The following HSD17B4 variants were observed in gnomAD, a reference collection of about 807,000 sequenced individuals.
HSD17B4 encodes peroxisomal multifunctional enzyme type 2.
Under a neutral mutation model 101.0 loss-of-function variants are expected in HSD17B4, and 70 were observed. The ratio of observed to expected loss-of-function variants is 0.69; its 90% CI spans 0.57 to 0.85. HSD17B4 has a LOEUF of 0.85. Among genes scored for constraint, HSD17B4 ranks in the 40% least tolerant of loss-of-function variants. The probability of loss-of-function intolerance (pLI) is 0.00; values close to 1 mark genes in which losing one functional copy is unlikely to be tolerated. For synonymous variants in HSD17B4, 347 were observed against 297.1 expected (o/e 1.17, Z -1.73); for missense variants, 984 against 892.4 (o/e 1.10, Z -1.31).
intron 7 of HSD17B4, 181 bp downstream of exon 7, chr5:119,477,682 T>C (rs1748719067): frequency 1.6e-6 from 1 of 610,106 alleles, no homozygotes. Flanking sequence ...AGTCACAGAT[T>C]GGCTGAGCTG....
intron 14 of HSD17B4, among the ~76,000 whole-genome samples, chr5:119,505,191 G>GTT (rs80250743): frequency 1.4e-5 from 2 of 146,908 alleles, no homozygotes; most frequent in East Asian, 4.0e-4. Context: ...TTCCAGCTTT[G>GTT]TTTTTTTTTT....
chr5:119,467,251 C>G (rs1431954776), intron 2 of HSD17B4, among the ~76,000 whole-genome samples: 1 of 152,148 alleles, frequency 6.6e-6, no homozygotes, highest in African/African-American at 2.4e-5. Flanking sequence ...ATCAAATGTT[C>G]TGTTAACTTC....
intron 11 of HSD17B4, chr5:119,495,860 A>C (rs1477097098): frequency 6.5e-6 from 1 of 153,512 alleles, no homozygotes; most frequent in African/African-American, 2.4e-5. Context: ...TACAAAAATT[A>C]AAAATTTTTG....
intron 2 of HSD17B4, among the ~76,000 whole-genome samples, chr5:119,461,721 CAA>C (rs545291977): frequency 2.4e-4 from 18 of 74,904 alleles, no homozygotes; most frequent in Non-Finnish European, 3.0e-4. Context: ...CTGTCTTTGC[CAA>C]AAAAAAAAAA....
intron 2 of HSD17B4, chr5:119,472,441 T>C (rs1756466635): frequency 6.6e-6 from 1 of 152,134 alleles, no homozygotes; most frequent in South Asian, 2.1e-4. Context: ...TTGAAATTTT[T>C]TTTTTTTTTG....
Position 119,541,983 on chromosome 5 carries a change from G to A in HSD17B4, c.2200G>A (p.Ala734Thr), listed in dbSNP as rs751064948. 3.1e-6 allele frequency: 5 copies of A among 1,608,506 alleles called. No individual in the cohort carries two copies. The highest frequency in any genetic ancestry group is 4.3e-6 in the Non-Finnish European group (5 of 1,175,508). ...QKLQMILKDY[A>T]KL ...ACTTCAGATGATTCTTAAAGACTAC[G>A]CCAAGCTCTGAAGGGCACACTACAC... The change falls in exon 24 of 24, where the codon GCC becomes ACC. Residue 734 changes from alanine (A) to threonine (T), a missense_variant. Coordinates refer to ENST00000510025, the MANE Select transcript of HSD17B4 (RefSeq NM_000414.4).
In HSD17B4 at chr5:119,473,872, A is replaced by T. The variant is rs769176069; in HGVS notation, c.113-36A>T. The T allele has an allele frequency of 3.4e-6, 4 of 1,184,700 alleles. No individual in the cohort carries two copies. The African/African-American group carries it at 6.0e-5, about 18-fold the overall frequency. The allele number at this position is 1,184,700 out of a possible 1,614,324, so 73.4% of individuals were successfully genotyped here. On this transcript the variant is annotated intron_variant, in intron 2 of 23. Transcript: ENST00000510025. The stretch of plus-strand genomic sequence containing the variant: ...CACACACACATTTTGAAAGTCTAGA[A>T]TAATTAATTGTTGTTTGCTTGTTTT...
intron 2 of HSD17B4, among the ~76,000 whole-genome samples, chr5:119,457,597 T>C (rs1561425013): frequency 6.6e-6 from 1 of 152,258 alleles, no homozygotes. Context: ...AGGCCCACTT[T>C]GTCAGATTTT....
At position 119,452,624 on chromosome 5, in the gene HSD17B4, G is replaced by A. The variant is rs750954413; in HGVS notation, c.49G>A (p.Ala17Thr). 1.9e-6 allele frequency: 3 copies of A among 1,613,942 alleles called. No homozygotes were observed. The South Asian group carries it at 3.3e-5, about 18-fold the overall frequency. Residue 17 changes from alanine (A) to threonine (T), a missense_variant, in exon 1 of 24, where the codon GCG becomes ACG. Transcript: ENST00000510025. ...FDGRVVLVTG[A>T]GAGLGRAYAL... is the part of the protein sequence containing the mutation. ...CGGGCGGGTGGTACTGGTCACCGGC[G>A]CGGGGGCAGGTGAGCATGCGAAGGT... is the stretch of plus-strand genomic sequence containing the variant.
chr5:119,488,948 AAT>A (rs1749847097), intron 8 of HSD17B4, among the ~76,000 whole-genome samples: 1 of 152,150 alleles, frequency 6.6e-6, no homozygotes, highest in South Asian at 2.1e-4. Flanking sequence ...GAACAGTATT[AAT>A]ATGTTACTCA....
chr5:119,503,076 T>TTGTGTG (rs759039800), intron 14 of HSD17B4, among the ~76,000 whole-genome samples: 6,588 of 140,538 alleles, frequency 0.047, 463 homozygotes, highest in African/African-American at 0.16. Context: ...ACCTTGGAAA[T>TTGTGTG]TGTGTGTGTG....
intron 23 of HSD17B4, 48 bp from the exon 24 acceptor site, chr5:119,541,857 C>T (rs369627162): frequency 5.0e-6 from 5 of 1,008,368 alleles, no homozygotes; most frequent in African/African-American, 3.2e-5. Flanking sequence ...AAGAAATAAA[C>T]TATAACATGG....
intron 2 of HSD17B4, among the ~76,000 whole-genome samples, chr5:119,457,624 G>T (rs1368904521): frequency 1.3e-5 from 2 of 152,132 alleles, no homozygotes; most frequent in Admixed American, 6.5e-5. Context: ...AATAGCTCAT[G>T]TTGAGGCCTA....
intron 2 of HSD17B4, among the ~76,000 whole-genome samples, chr5:119,470,988 C>G (rs1043352786): frequency 6.6e-6 from 1 of 152,094 alleles, no homozygotes; most frequent in African/African-American, 2.4e-5. Flanking sequence ...ATTATTTATC[C>G]AGCTTTCAAT....
intron 13 of HSD17B4, 137 bp downstream of exon 13, chr5:119,499,690 A>G: frequency 2.1e-6 from 1 of 472,036 alleles, no homozygotes; most frequent in Non-Finnish European, 3.6e-6. Flanking sequence ...AGTTTAGCAT[A>G]TCTTTTGATT....
chr5:119,453,429 A>G (rs1732696094), intron 1 of HSD17B4, among the ~76,000 whole-genome samples: 1 of 152,208 alleles, frequency 6.6e-6, no homozygotes, highest in South Asian at 2.1e-4. Flanking sequence ...AAAGTACAAA[A>G]AATTAAAACA....
At chr5:119,509,298 T>C in intron 16 of HSD17B4, 54 bp downstream of exon 16, 4 of 1,060,434 alleles carry the variant, frequency 3.8e-6, no homozygotes, top group Non-Finnish European at 5.9e-6. Context: ...TTCTTACCTA[T>C]ACAATTGAGA....
chr5:119,530,022 G>A (rs1420239302), intron 21 of HSD17B4, 42 bp downstream of exon 21: 1 of 1,171,592 alleles, frequency 8.5e-7, no homozygotes, highest in East Asian at 2.3e-5. Context: ...TCCTCATTTA[G>A]GAATTTCAGT....
intron 7 of HSD17B4, 73 bp from the exon 8 acceptor site, chr5:119,478,761 C>A: frequency 7.6e-7 from 1 of 1,308,546 alleles, no homozygotes; most frequent in Non-Finnish European, 1.1e-6. Context: ...GCAGTAGTAC[C>A]AAAACAGAGT....
Sources: gnomAD v4.1 joint callset for allele counts (sites outside exome capture counted in the v4.1 genomes callset) on GRCh38, gnomAD v4.1.1 for gene constraint, MANE v1.5 for transcripts, NCBI Gene and HGNC (gene_info 2026-07-23, HGNC 2026-07-21) for gene names.